OTULIN: variants seen among roughly 807,000 people sequenced by gnomAD.
The protein encoded by OTULIN is ubiquitin thioesterase otulin.
In OTULIN, 15 loss-of-function variants were observed where a neutral mutation model predicts 39.6. That is an observed-to-expected ratio of 0.38 (90% CI 0.25 to 0.58). OTULIN has a LOEUF of 0.58. OTULIN is among the 20% of genes least tolerant of loss of function. The pLI is 0.66. For synonymous variants in OTULIN, 156 were observed against 170.3 expected, an observed-to-expected ratio of 0.92 and a Z score of 0.65; for missense variants, 319 against 445.9, an observed-to-expected ratio of 0.72 and a Z score of 2.56.
chr5:14,692,797 T>G, intron 6 of OTULIN, 57 bp from the exon 7 acceptor site: 1 of 1,528,426 alleles, frequency 6.5e-7, no homozygotes, highest in Non-Finnish European at 9.0e-7. Context: ...AACATGGTGT[T>G]AAGCCACGTT....
Position 14,664,972 on chromosome 5 carries a change from C to T in OTULIN, c.147C>T (p.Ala49=). The T allele has an allele frequency of 5.5e-6, 6 of 1,083,776 alleles. No homozygotes were observed. In the South Asian group the frequency reaches 2.2e-4, roughly 39 times the overall value. The allele number at this position is 1,083,776 out of a possible 1,614,324, so 67.1% of individuals were successfully genotyped here. The change falls in exon 1 of 7, where the codon GCC becomes GCT. Residue 49 remains alanine, a synonymous_variant. Coordinates refer to ENST00000284274, the MANE Select transcript of OTULIN (RefSeq NM_138348.6). ...CGCGGCCCGAGATGCAGTGCCCGGC[C>T]GAGCAGTGAGTCCGCGGGGGCGCGG... ...GQPRPEMQCP[A]EHEEDMYRAA... is the part of the protein sequence containing the mutation.
At chr5:14,666,549 C>A (rs1209670147) in intron 1 of OTULIN, among the ~76,000 whole-genome samples, 2 of 152,194 alleles carry the variant, frequency 1.3e-5, no homozygotes, top group Admixed American at 1.3e-4. Context: ...GGCAGAGAGA[C>A]ATGATTTATA....
intron 1 of OTULIN, among the ~76,000 whole-genome samples, chr5:14,668,220 C>T (rs955336392): frequency 6.6e-6 from 1 of 152,214 alleles, no homozygotes; most frequent in African/African-American, 2.4e-5. Context: ...CCAGATGCTG[C>T]TACAGTTCGG....
intron 2 of OTULIN, among the ~76,000 whole-genome samples, chr5:14,674,455 A>G (rs761426842): frequency 4.6e-5 from 7 of 152,230 alleles, no homozygotes; most frequent in Non-Finnish European, 7.3e-5. Context: ...TTGTGGAAAA[A>G]TGGAATTGAA....
At chr5:14,713,524 CA>C in the OTULIN span, 1 of 1,613,816 alleles carries the variant, frequency 6.2e-7, no homozygotes, top group Non-Finnish European at 8.5e-7. This position sits in a 1 kb window ranked among gnomAD's most constrained non-coding sequence, Gnocchi z 4.4. Context: ...CCCACAGCCC[CA>C]AACTCCCTGA....
intron 1 of OTULIN, among the ~76,000 whole-genome samples, chr5:14,665,665 T>G (rs1735820481): frequency 2.0e-5 from 3 of 152,232 alleles, no homozygotes; most frequent in African/African-American, 4.8e-5. Flanking sequence ...ATAAATGCCC[T>G]TGGAATTTAA....
chr5:14,668,211 C>T (rs1056035177), intron 1 of OTULIN, among the ~76,000 whole-genome samples: 1 of 152,222 alleles, frequency 6.6e-6, no homozygotes, highest in African/African-American at 2.4e-5. Flanking sequence ...ACCCCACCCC[C>T]AGATGCTGCT....
chr5:14,664,988 G>T lies in OTULIN; in HGVS notation c.152+11G>T. The T allele has an allele frequency of 1.9e-6, 2 of 1,053,272 alleles. No homozygotes were observed. Among genetic ancestry groups the T allele is most frequent in the South Asian group, 4.4e-5 (1 of 22,810 alleles). 65.2% of individuals were successfully genotyped at this position (1,053,272 alleles called of 1,614,324 possible). A position where few individuals can be genotyped will look rare whatever the true frequency, so the allele number is the denominator to read the frequency against. On this transcript the variant is annotated intron_variant, in intron 1 of 6. Transcript: ENST00000284274. ...GTGCCCGGCCGAGCAGTGAGTCCGC[G>T]GGGGCGCGGGGCGCGGGCCGTGGGC... is the stretch of plus-strand genomic sequence containing the variant.
intron 1 of OTULIN, among the ~76,000 whole-genome samples, chr5:14,671,772 G>A (rs558286922): frequency 6.6e-6 from 1 of 152,180 alleles, no homozygotes; most frequent in South Asian, 2.1e-4. Context: ...GAGAAAAAAA[G>A]AAATAAAAAT....
chr5:14,715,407 A>T, the OTULIN span, among the ~76,000 whole-genome samples: 2 of 152,122 alleles, frequency 1.3e-5, no homozygotes, highest in Non-Finnish European at 2.9e-5. Context: ...CTGGAATTAC[A>T]GGCATAAGCC....
the OTULIN span, among the ~76,000 whole-genome samples, chr5:14,712,317 T>A: frequency 6.6e-6 from 1 of 152,262 alleles, no homozygotes; most frequent in African/African-American, 2.4e-5. Flanking sequence ...CACCCATGTG[T>A]CCTCGTTCTT....
At chr5:14,684,299 G>A (rs1736331150) in intron 4 of OTULIN, among the ~76,000 whole-genome samples, 2 of 152,258 alleles carry the variant, frequency 1.3e-5, no homozygotes, top group Admixed American at 1.3e-4. Flanking sequence ...TCCAGCCAGA[G>A]GACTTGTCCT....
the OTULIN span, chr5:14,712,980 A>G: frequency 6.2e-7 from 1 of 1,610,766 alleles, no homozygotes; most frequent in African/African-American, 1.3e-5. Flanking sequence ...CACCCTGCAG[A>G]TGAGAACACA....
chr5:14,703,206 G>A (rs140914351), downstream of OTULIN, among the ~76,000 whole-genome samples: 71 of 152,072 alleles, frequency 4.7e-4, no homozygotes, highest in African/African-American at 1.5e-3. Flanking sequence ...TGGGCAGTCA[G>A]CATGGTATTT....
At chr5:14,713,905 C>T in the OTULIN span, among the ~76,000 whole-genome samples, 1 of 152,266 alleles carries the variant, frequency 6.6e-6, no homozygotes, top group Non-Finnish European at 1.5e-5. The surrounding 1 kb of genome is among the most constrained non-coding windows in gnomAD (Gnocchi z 4.4). Context: ...TGGGACCAGG[C>T]AGGCTCCTTT....
chr5:14,713,435 G>T, the OTULIN span: 1 of 1,464,808 alleles, frequency 6.8e-7, no homozygotes, highest in Non-Finnish European at 9.4e-7. The surrounding 1 kb of genome is among the most constrained non-coding windows in gnomAD (Gnocchi z 4.4). Context: ...CTGAATTTCC[G>T]ATTCTAGACG....
intron 4 of OTULIN, among the ~76,000 whole-genome samples, chr5:14,686,813 A>G (rs994552510): frequency 1.3e-5 from 2 of 152,172 alleles, no homozygotes; most frequent in South Asian, 4.1e-4. Context: ...AAAGTAACAA[A>G]TACTCCAGGA....
At chr5:14,676,480 G>T (rs1736108499) in intron 2 of OTULIN, among the ~76,000 whole-genome samples, 1 of 152,216 alleles carries the variant, frequency 6.6e-6, no homozygotes, top group Admixed American at 6.5e-5. Flanking sequence ...TGCCAGCTGT[G>T]CCAGTACCCA....
chr5:14,687,502 T>C lies in OTULIN; in HGVS notation c.469-19T>C. The C allele has an allele frequency of 6.2e-7, 1 of 1,608,038 alleles. No homozygotes were observed. The highest frequency in any genetic ancestry group is 1.1e-5 in the South Asian group (1 of 89,884). Reference sequence around the variant, plus strand: ...GGAATGTTAACACTTCTTTATCTCTTTGTTTCTCGATGTTGTAGTTACCAG... The same window carrying C: ...GGAATGTTAACACTTCTTTATCTCTCTGTTTCTCGATGTTGTAGTTACCAG... On this transcript the variant is annotated intron_variant, in intron 4 of 6. Transcript: ENST00000284274.
Sources: gnomAD v4.1 joint callset for allele counts (sites outside exome capture counted in the v4.1 genomes callset) on GRCh38, gnomAD v4.1.1 for gene constraint, Gnocchi (gnomAD v3.1) non-coding constraint, MANE v1.5 for transcripts, NCBI Gene and HGNC (gene_info 2026-07-23, HGNC 2026-07-21) for gene names.